BRWD1: variants seen among roughly 807,000 people sequenced by gnomAD.
The protein encoded by BRWD1 is bromodomain and WD repeat-containing protein 1.
BRWD1 carries 82 observed loss-of-function variants against 251.2 expected under a neutral mutation model. The ratio of observed to expected loss-of-function variants is 0.33; its 90% CI spans 0.27 to 0.39. The LOEUF is 0.39. BRWD1 is among the 10% of genes least tolerant of loss of function. The pLI is 1.00. For missense variants in BRWD1, 2,233 were observed against 2,711.6 expected (o/e 0.82, Z 3.92); for synonymous variants, 918 against 902.8 (o/e 1.02, Z -0.30).
upstream of BRWD1, chr21:39,313,753 C>A (rs369592934): frequency 2.6e-6 from 1 of 384,466 alleles, no homozygotes; most frequent in Non-Finnish European, 4.7e-6. Flanking sequence ...CCCGGGGAGG[C>A]GAACCTCGCT....
Position 39,190,282 on chromosome 21 carries a change from T to G in BRWD1, c.*5977A>C, listed in dbSNP as rs2031483231. 2 of 984,650 alleles carry G rather than the reference T, an allele frequency of 2.0e-6. No individual in the cohort carries two copies. The highest frequency in any genetic ancestry group is 1.2e-6 in the Non-Finnish European group (1 of 829,284). The allele number at this position is 984,650 out of a possible 1,614,324, so 61.0% of individuals were successfully genotyped here. ...TTTACAGATTCTGCACAATATTTCA[T>G]CATACAAAACTGTTTTCCTAAATTC... On this transcript the variant is annotated 3_prime_UTR_variant, in exon 41 of 41. Coordinates refer to ENST00000342449, the MANE Select transcript of BRWD1 (RefSeq NM_033656.4).
In BRWD1 at chr21:39,186,064, G is replaced by C. The variant is rs1219645360; in HGVS notation, c.*10195C>G. On this transcript the variant is annotated 3_prime_UTR_variant, in exon 41 of 41. Coordinates refer to ENST00000342449, the MANE Select transcript of BRWD1 (RefSeq NM_033656.4). ...TAAAGTTTGTTGGGATGAGATTGTAGTAAGTTTACTCAAAGTATTCAAGTT... is the reference window on the plus strand; with the variant it reads ...TAAAGTTTGTTGGGATGAGATTGTACTAAGTTTACTCAAAGTATTCAAGTT... 1 of 152,172 alleles carries C rather than the reference G, an allele frequency of 6.6e-6. No homozygotes were observed. The highest frequency in any genetic ancestry group is 1.5e-5 in the Non-Finnish European group (1 of 68,008). The allele number at this position is 152,172 out of a possible 1,614,324, so 9.4% of individuals were successfully genotyped here. A position where few individuals can be genotyped will look rare whatever the true frequency, so the allele number is the denominator to read the frequency against.
chr21:39,232,270 T>C lies in BRWD1; in HGVS notation c.2907A>G (p.Arg969=), dbSNP rs1362378711. 6.2e-7 allele frequency: 1 copy of C among 1,612,202 alleles called. No homozygotes were observed. The highest frequency in any genetic ancestry group is 8.5e-7 in the Non-Finnish European group (1 of 1,179,144). The part of the protein sequence containing the change: ...PQMGDEVIYF[R]QGHEAYIEAV... ...CCTCAATATAAGCTTCATGACCCTG[T>C]CGAAAATATATTACCTACAAAAGGG... The change falls in exon 25 of 41, where the codon CGA becomes CGG. Residue 969 remains arginine (R), a synonymous_variant. Coordinates refer to ENST00000342449, the MANE Select transcript of BRWD1 (RefSeq NM_033656.4).
upstream of BRWD1, chr21:39,313,781 G>T (rs1051770386): frequency 4.2e-5 from 16 of 384,256 alleles, no homozygotes; most frequent in African/African-American, 3.5e-4. Context: ...CTGCCTCCGG[G>T]GACTCGATGA....
At chr21:39,312,802 G>A (rs764075190) in intron 4 of BRWD1, 39 bp downstream of exon 4, 3 of 1,548,246 alleles carry the variant, frequency 1.9e-6, no homozygotes, top group South Asian at 1.1e-5. Flanking sequence ...GGGGGGCGGT[G>A]CACGGAAAAC....
At chr21:39,248,053 T>C (rs1196347702) in intron 20 of BRWD1, among the ~76,000 whole-genome samples, 1 of 152,160 alleles carries the variant, frequency 6.6e-6, no homozygotes, top group Non-Finnish European at 1.5e-5. Context: ...ATGGGCATTT[T>C]CCAAACTATG....
At chr21:39,211,913 T>C (rs1344583889) in intron 34 of BRWD1, among the ~76,000 whole-genome samples, 1 of 152,128 alleles carries the variant, frequency 6.6e-6, no homozygotes, top group African/African-American at 2.4e-5. Flanking sequence ...TTCATATTAA[T>C]AACCTTTAAT....
intron 22 of BRWD1, among the ~76,000 whole-genome samples, chr21:39,237,051 T>C (rs2033835727): frequency 6.6e-6 from 1 of 151,914 alleles, no homozygotes. Context: ...AGGTATATTG[T>C]AGATAAAATA....
At position 39,284,501 on chromosome 21, in the gene BRWD1, T is replaced by C. The variant is rs73209856; in HGVS notation, c.832-4253A>G. Among the ~76,000 whole-genome samples, 916 of 152,306 alleles carry C rather than the reference T, an allele frequency of 6.0e-3. 5 individuals carry two copies. The highest frequency in any genetic ancestry group is 0.016 in the South Asian group (78 of 4,828). On this transcript the variant is annotated intron_variant, in intron 8 of 40. Coordinates refer to ENST00000342449, the MANE Select transcript of BRWD1 (RefSeq NM_033656.4). ...TCTGGGGGAGGCGGGAGAACCTCCA[T>C]ACTGTTTCCCATAATAGTTGTACTA... is the stretch of plus-strand genomic sequence containing the variant.
At chr21:39,304,651 TAAAAGA>T (rs2036228125) in intron 4 of BRWD1, among the ~76,000 whole-genome samples, 1 of 151,200 alleles carries the variant, frequency 6.6e-6, no homozygotes, top group Admixed American at 6.6e-5. Flanking sequence ...AAAACATCAC[TAAAAGA>T]ATGCACATAA....
rs371861002 is a variant in BRWD1, at chr21:39,194,909, G to A, written c.*1350C>T. The A allele has an allele frequency of 8.2e-5, 125 of 1,516,908 alleles. 4 individuals carry two copies. The African/African-American group carries it at 1.1e-3, about 13-fold the overall frequency. The allele number at this position is 1,516,908 out of a possible 1,614,324, so 94.0% of individuals were successfully genotyped here. ...TAGGGCTAATAAATAACTTACAGGT[G>A]GGGTACTGTAACATATCCCTTACCC... On this transcript the variant is annotated 3_prime_UTR_variant, in exon 41 of 41. Coordinates refer to ENST00000342449, the MANE Select transcript of BRWD1 (RefSeq NM_033656.4).
At chr21:39,275,039 C>T (rs758802370) in intron 12 of BRWD1, among the ~76,000 whole-genome samples, 7 of 150,104 alleles carry the variant, frequency 4.7e-5, no homozygotes, top group African/African-American at 1.5e-4. Flanking sequence ...AGCTAGACTC[C>T]GTCTCAAAAA....
intron 21 of BRWD1, among the ~76,000 whole-genome samples, chr21:39,239,690 A>G (rs1237408990): frequency 1.3e-5 from 2 of 152,202 alleles, no homozygotes; most frequent in African/African-American, 2.4e-5. Context: ...TCAGTTTGTC[A>G]GTAAAATTAA....
upstream of BRWD1, chr21:39,314,134 C>T (rs140817495): frequency 2.9e-5 from 13 of 455,974 alleles, no homozygotes; most frequent in African/African-American, 1.4e-4. Flanking sequence ...GCACGGAAGA[C>T]CCCTCGCTTC....
chr21:39,245,154 G>A (rs2034140510), intron 21 of BRWD1, among the ~76,000 whole-genome samples: 2 of 151,734 alleles, frequency 1.3e-5, no homozygotes, highest in Admixed American at 1.3e-4. Flanking sequence ...TGAAGGAGGA[G>A]GACAGCTTGA....
intron 4 of BRWD1, among the ~76,000 whole-genome samples, chr21:39,306,145 CT>C (rs1249996715): frequency 6.6e-6 from 1 of 151,134 alleles, no homozygotes; most frequent in African/African-American, 2.4e-5. Context: ...TCTTGGCTCA[CT>C]GCAACCTCTG....
At chr21:39,303,657 C>T (rs1280242657) in intron 4 of BRWD1, among the ~76,000 whole-genome samples, 2 of 150,824 alleles carry the variant, frequency 1.3e-5, no homozygotes, top group Admixed American at 6.6e-5. Flanking sequence ...TGGCAAAACC[C>T]CATCTCTACA....
In BRWD1 at chr21:39,193,227, GT is replaced by G. The variant is rs2031644936; in HGVS notation, c.*3031del. On this transcript the variant is annotated 3_prime_UTR_variant, in exon 41 of 41. Coordinates refer to ENST00000342449, the MANE Select transcript of BRWD1 (RefSeq NM_033656.4). ...TCTACTATTTGAAAGGAACCTTTCT[GT>G]TGTAATTTACAAGCTGTGAGTAACT... 1.0e-6 allele frequency: 1 copy of G among 984,778 alleles called. No homozygotes were observed. The highest frequency in any genetic ancestry group is 1.2e-6 in the Non-Finnish European group (1 of 829,612). 61.0% of individuals were successfully genotyped at this position (984,778 alleles called of 1,614,324 possible). A position where few individuals can be genotyped will look rare whatever the true frequency, so the allele number is the denominator to read the frequency against.
At chr21:39,298,278 C>CA in intron 5 of BRWD1, 154 bp downstream of exon 5, 3 of 1,300,410 alleles carry the variant, frequency 2.3e-6, no homozygotes, top group Non-Finnish European at 2.9e-6. Context: ...TAATAAAATT[C>CA]AATGTTCTAT....
Sources: gnomAD v4.1 joint callset for allele counts (sites outside exome capture counted in the v4.1 genomes callset) on GRCh38, gnomAD v4.1.1 for gene constraint, MANE v1.5 for transcripts, NCBI Gene and HGNC (gene_info 2026-07-23, HGNC 2026-07-21) for gene names.